The following CNOT1 variants were observed in gnomAD, a reference collection of about 807,000 sequenced individuals.
The protein encoded by CNOT1 is CCR4-associated factor 1.
A neutral mutation model predicts 273.8 loss-of-function variants in CNOT1; 15 were observed. The observed-to-expected ratio is 0.05, with a 90% confidence interval of 0.04 to 0.08. The LOEUF (loss-of-function observed/expected upper bound fraction) is 0.08, where lower values mean the gene tolerates loss of function less well. Ranked by LOEUF, CNOT1 falls within the 10% of genes least tolerant of loss-of-function variation. The pLI is 1.00. For synonymous variants in CNOT1, 1,022 were observed against 1,005.5 expected, an observed-to-expected ratio of 1.02 and a Z score of -0.31; for missense variants, 1,644 against 2,912.2, an observed-to-expected ratio of 0.56 and a Z score of 10.02.
intron 8 of CNOT1, among the ~76,000 whole-genome samples, chr16:58,583,687 C>T (rs1044541286): frequency 6.6e-6 from 1 of 151,984 alleles, no homozygotes; most frequent in Non-Finnish European, 1.5e-5. Flanking sequence ...TACAAGCATG[C>T]ACCACCACGC....
chr16:58,525,092 G>A, intron 46 of CNOT1, 87 bp downstream of exon 46: 2 of 1,238,170 alleles, frequency 1.6e-6, no homozygotes, highest in Admixed American at 1.7e-5. Flanking sequence ...TCACTATTGT[G>A]GCTTGAAGCA....
At chr16:58,534,477 G>A in intron 39 of CNOT1, 82 bp from the exon 40 acceptor site, 1 of 1,433,244 alleles carries the variant, frequency 7.0e-7, no homozygotes, top group Admixed American at 2.0e-5. Context: ...TCAGGCTTAA[G>A]AGATATTCTC....
chr16:58,523,594 A>G (rs943636803), intron 46 of CNOT1, 92 bp from the exon 47 acceptor site: 2 of 1,177,566 alleles, frequency 1.7e-6, no homozygotes, highest in African/African-American at 3.1e-5. Context: ...TTTCTGACAG[A>G]GGCTTTCAAA....
At chr16:58,628,593 C>A in intron 1 of CNOT1, among the ~76,000 whole-genome samples, 1 of 133,330 alleles carries the variant, frequency 7.5e-6, no homozygotes. Flanking sequence ...CACTCAATCA[C>A]TGACTTAAAA....
intron 17 of CNOT1, 122 bp from the exon 18 acceptor site, chr16:58,558,796 C>G: frequency 1.5e-6 from 2 of 1,290,600 alleles, no homozygotes. Context: ...CCCACTCAAT[C>G]ACGATGATAC....
rs759746739 is a variant in CNOT1 at position 58,614,415 on chromosome 16, GCTTT to G, written c.-174-14908_-174-14905del. Among the ~76,000 whole-genome samples the G allele has an allele frequency of 1.6e-3, 207 of 125,966 alleles. 63 individuals are homozygous for G. The highest frequency in any genetic ancestry group is 3.4e-3 in the Non-Finnish European group (181 of 52,800). The allele number at this position is 125,966 out of a possible 152,430, so 82.6% of individuals were successfully genotyped here. On this transcript the variant is annotated intron_variant, in intron 1 of 48. Transcript: ENST00000317147. ...CGGCTTTCTATCTAGATGAATACCA[GCTTT>G]CTGTCTAGGAGCCTAAAATTTTAAT... is the stretch of plus-strand genomic sequence containing the variant.
intron 16 of CNOT1, among the ~76,000 whole-genome samples, chr16:58,570,559 T>A (rs184098633): frequency 6.6e-6 from 1 of 152,286 alleles, no homozygotes; most frequent in East Asian, 1.9e-4. Context: ...TCTGGAGGGT[T>A]GAGGCTGCAC....
chr16:58,538,650 G>A, intron 36 of CNOT1, 122 bp downstream of exon 36: 1 of 1,407,194 alleles, frequency 7.1e-7, no homozygotes, highest in Non-Finnish European at 9.5e-7. Flanking sequence ...TCAGAAGTAG[G>A]AAGTCTAAGT....
rs147524055 is a variant in CNOT1, at chr16:58,551,243, C to T, written c.3231G>A (p.Thr1077=). The T allele has an allele frequency of 5.6e-6, 9 of 1,594,760 alleles. No homozygotes were observed. Among genetic ancestry groups the T allele is most frequent in the South Asian group, 1.2e-5 (1 of 86,406 alleles). The change falls in exon 24 of 49, where the codon ACG becomes ACA. Residue 1077 remains threonine, a synonymous_variant. Coordinates refer to ENST00000317147, the MANE Select transcript of CNOT1 (RefSeq NM_016284.5). ...PPSINTTNID[T]LLVATDQTER... Reference sequence around the variant, plus strand: ...CAGTTTGATCTGTGGCCACAAGCAACGTATCTATATTTGTAGTATTAATAG... The same window carrying T: ...CAGTTTGATCTGTGGCCACAAGCAATGTATCTATATTTGTAGTATTAATAG...
intron 40 of CNOT1, among the ~76,000 whole-genome samples, chr16:58,533,432 C>G (rs1219092517): frequency 1.3e-5 from 2 of 152,096 alleles, no homozygotes; most frequent in East Asian, 3.9e-4. Flanking sequence ...GTTGGGAGAG[C>G]GAGACCATCC....
intron 2 of CNOT1, among the ~76,000 whole-genome samples, chr16:58,596,501 G>T (rs2042253318): frequency 6.6e-6 from 1 of 152,092 alleles, no homozygotes; most frequent in African/African-American, 2.4e-5. Context: ...TTCCAGCAAG[G>T]TAGGAAAAAA....
At position 58,539,011 on chromosome 16, in the gene CNOT1, C is replaced by G. The variant is rs936093465; in HGVS notation, c.4993-97G>C. The G allele has an allele frequency of 2.0e-6, 3 of 1,493,050 alleles. No homozygotes were observed. In the African/African-American group the frequency reaches 4.2e-5, roughly 21 times the overall value. 92.5% of individuals were successfully genotyped at this position (1,493,050 alleles called of 1,614,324 possible). On this transcript the variant is annotated intron_variant, in intron 35 of 48. Transcript: ENST00000317147. ...AAATCTCAATGCCAAGTACCAAATACCTTCCAAAGCCTCCCTGTCCTTTCC... is the reference window on the plus strand; with the variant it reads ...AAATCTCAATGCCAAGTACCAAATAGCTTCCAAAGCCTCCCTGTCCTTTCC...
intron 44 of CNOT1, 155 bp downstream of exon 44, chr16:58,528,320 T>TC (rs1233301414): frequency 1.5e-6 from 1 of 661,342 alleles, no homozygotes; most frequent in Admixed American, 2.5e-5. Context: ...TATCATACCT[T>TC]CTATCAGGCT....
intron 1 of CNOT1, among the ~76,000 whole-genome samples, chr16:58,626,499 TGCCTGTAATCCCA>T (rs1480313595): frequency 1.3e-5 from 2 of 149,270 alleles, no homozygotes; most frequent in South Asian, 4.3e-4. Context: ...CGGTCACTCA[TGCCTGTAATCCCA>T]GCACTTTGGG....
chr16:58,597,644 G>T, intron 2 of CNOT1: 1 of 457,738 alleles, frequency 2.2e-6, no homozygotes, highest in Non-Finnish European at 4.3e-6. Context: ...GAGATGCTAT[G>T]CCAAAGAGGA....
chr16:58,533,029 C>T (rs1345978283), intron 40 of CNOT1: 1 of 153,222 alleles, frequency 6.5e-6, no homozygotes, highest in African/African-American at 2.4e-5. Context: ...CACGTCTAGC[C>T]ACCCACTCAC....
Position 58,546,723 on chromosome 16 carries a change from T to G in CNOT1, c.3777A>C (p.Thr1259=), listed in dbSNP as rs766636437. The change falls in exon 28 of 49, where the codon ACA becomes ACC. Residue 1259 remains threonine (T), a synonymous_variant. Coordinates refer to ENST00000317147, the MANE Select transcript of CNOT1 (RefSeq NM_016284.5). ...SVVFRPPNPW[T]MAIMNVLAEL... ...CAGCTAATACATTCATAATTGCCAT[T>G]GTCCAAGGGTTTGGTGGCCTAAAAA... The G allele has an allele frequency of 6.2e-7, 1 of 1,613,964 alleles. No homozygotes were observed. The highest frequency in any genetic ancestry group is 2.2e-5 in the East Asian group (1 of 44,848).
chr16:58,604,563 CCT>C (rs2152019189), intron 1 of CNOT1, among the ~76,000 whole-genome samples: 2 of 150,300 alleles, frequency 1.3e-5, no homozygotes, highest in East Asian at 2.0e-4. Context: ...GGGTGAATCA[CCT>C]GAGGTCGGGA....
intron 33 of CNOT1, 29 bp downstream of exon 33, chr16:58,542,202 A>G (rs768787640): frequency 6.2e-7 from 1 of 1,606,652 alleles, no homozygotes; most frequent in Non-Finnish European, 8.5e-7. Context: ...CAAAGATGGG[A>G]CGGGGAAAGA....
Sources: gnomAD v4.1 joint callset for allele counts (sites outside exome capture counted in the v4.1 genomes callset) on GRCh38, gnomAD v4.1.1 for gene constraint, MANE v1.5 for transcripts, NCBI Gene and HGNC (gene_info 2026-07-23, HGNC 2026-07-21) for gene names.